The following CSMD1 variants were observed in gnomAD, a reference collection of about 807,000 sequenced individuals.
The protein encoded by CSMD1 is CUB and sushi domain-containing protein 1.
In CSMD1, 213 loss-of-function variants were observed where a neutral mutation model predicts 417.5. That is an observed-to-expected ratio of 0.51 (90% CI 0.46 to 0.57). CSMD1 has a LOEUF of 0.57. CSMD1 is among the 20% of genes least tolerant of loss of function. The pLI, the probability that CSMD1 is intolerant of heterozygous loss-of-function variation, is 0.00. For synonymous variants in CSMD1, 2,862 were observed against 1,736.8 expected (o/e 1.65, Z -16.11); for missense variants, 6,923 against 4,529.7 (o/e 1.53, Z -15.17).
At chr8:4,242,320 T>C (rs1294659777) in intron 3 of CSMD1, among the ~76,000 whole-genome samples, 1 of 152,112 alleles carries the variant, frequency 6.6e-6, no homozygotes, top group Non-Finnish European at 1.5e-5. Flanking sequence ...TAATTACAAG[T>C]GATTAGTAAA....
At chr8:3,856,112 C>T (rs1344972292) in intron 5 of CSMD1, among the ~76,000 whole-genome samples, 5 of 151,966 alleles carry the variant, frequency 3.3e-5, no homozygotes, top group African/African-American at 1.2e-4. Flanking sequence ...ATGTAATTCC[C>T]AGTGCTGGAG....
In CSMD1 at chr8:4,105,969, C is replaced by T. The variant is rs567956995; in HGVS notation, c.416-73870G>A. Among the ~76,000 whole-genome samples the T allele has an allele frequency of 4.6e-5, 7 of 152,342 alleles. 1 individual carries two copies. In the East Asian group the frequency reaches 1.4e-3, roughly 29 times the overall value. Reference sequence around the variant, plus strand: ...GACCTGAATTAGCCACAAGTCCCAACTTCACCACAGGAAAATGTAGAGCAG... The same window carrying T: ...GACCTGAATTAGCCACAAGTCCCAATTTCACCACAGGAAAATGTAGAGCAG... On this transcript the variant is annotated intron_variant, in intron 3 of 69. Coordinates refer to ENST00000635120, the MANE Select transcript of CSMD1 (RefSeq NM_033225.6).
chr8:3,702,365 A>T (rs1283720127), intron 7 of CSMD1: 1 of 152,178 alleles, frequency 6.6e-6, no homozygotes, highest in Non-Finnish European at 1.5e-5. Context: ...AATAACAACC[A>T]ATGTTTTGTT....
At chr8:4,267,967 T>G (rs980697080) in intron 3 of CSMD1, among the ~76,000 whole-genome samples, 6 of 152,154 alleles carry the variant, frequency 3.9e-5, no homozygotes, top group Admixed American at 6.5e-5. Context: ...TGGATCTATT[T>G]TCTAGAGTCA....
intron 5 of CSMD1, among the ~76,000 whole-genome samples, chr8:3,906,647 G>C (rs1163200233): frequency 7.0e-6 from 1 of 143,394 alleles, no homozygotes; most frequent in Non-Finnish European, 1.5e-5. Context: ...TTTCAGATTT[G>C]CAAAGTACAC....
chr8:3,998,141 A>G (rs147940464), intron 4 of CSMD1, 31 bp from the exon 5 acceptor site: 4 of 1,531,094 alleles, frequency 2.6e-6, no homozygotes, highest in African/African-American at 1.4e-5. Context: ...AGAAAGCATC[A>G]CATTTCAGGA....
intron 1 of CSMD1, among the ~76,000 whole-genome samples, chr8:4,749,878 C>T (rs1395149025): frequency 1.3e-5 from 2 of 152,016 alleles, no homozygotes; most frequent in African/African-American, 2.4e-5. Context: ...AGAAATGCAA[C>T]TTCAAAATCC....
At chr8:3,429,112 G>A (rs1814044514) in intron 12 of CSMD1, among the ~76,000 whole-genome samples, 1 of 152,134 alleles carries the variant, frequency 6.6e-6, no homozygotes, top group Non-Finnish European at 1.5e-5. Flanking sequence ...GTTCTTGTGT[G>A]CTATTGTACA....
intron 68 of CSMD1, among the ~76,000 whole-genome samples, chr8:2,946,733 A>G (rs1585035544): frequency 6.6e-6 from 1 of 152,246 alleles, no homozygotes; most frequent in East Asian, 1.9e-4. Context: ...CATATTTTTC[A>G]GTTCTTTTGG....
chr8:4,350,968 C>G (rs1418438188), intron 3 of CSMD1, among the ~76,000 whole-genome samples: 1 of 152,104 alleles, frequency 6.6e-6, no homozygotes, highest in Non-Finnish European at 1.5e-5. Context: ...TCGTTTAAAG[C>G]TTCTTTTAAT....
chr8:4,744,059 G>A (rs1268430452), intron 1 of CSMD1, among the ~76,000 whole-genome samples: 1 of 152,202 alleles, frequency 6.6e-6, no homozygotes, highest in African/African-American at 2.4e-5. Context: ...TTCTTATGCG[G>A]CTTTGATGAT....
chr8:3,192,471 T>C (rs1293030910), intron 33 of CSMD1, among the ~76,000 whole-genome samples: 1 of 152,208 alleles, frequency 6.6e-6, no homozygotes, highest in Admixed American at 6.5e-5. Flanking sequence ...GTTAAGATGA[T>C]GACTTAGTTT....
At chr8:4,321,212 T>C (rs1326940723) in intron 3 of CSMD1, among the ~76,000 whole-genome samples, 2 of 152,124 alleles carry the variant, frequency 1.3e-5, no homozygotes, top group African/African-American at 2.4e-5. Context: ...GTCCAGTGCA[T>C]GAACACGTTC....
At chr8:3,013,154 C>G (rs937154027) in intron 52 of CSMD1, among the ~76,000 whole-genome samples, 3 of 152,162 alleles carry the variant, frequency 2.0e-5, no homozygotes, top group African/African-American at 7.2e-5. Context: ...GAAAAATACA[C>G]TGCTATTACA....
chr8:4,233,152 A>C (rs775502086), intron 3 of CSMD1, among the ~76,000 whole-genome samples: 34 of 152,222 alleles, frequency 2.2e-4, no homozygotes, highest in Non-Finnish European at 4.0e-4. Context: ...AAGAACAATG[A>C]CATGCATTTT....
intron 49 of CSMD1, among the ~76,000 whole-genome samples, chr8:3,066,601 G>A (rs1377550535): frequency 6.6e-6 from 1 of 152,180 alleles, no homozygotes; most frequent in African/African-American, 2.4e-5. Context: ...AATACAGACA[G>A]ACAAGAGAGT....
At chr8:3,739,091 G>A (rs1796668903) in intron 6 of CSMD1, among the ~76,000 whole-genome samples, 1 of 152,054 alleles carries the variant, frequency 6.6e-6, no homozygotes, top group Non-Finnish European at 1.5e-5. Flanking sequence ...TCAAAATAGT[G>A]GGGATTTATT....
intron 12 of CSMD1, among the ~76,000 whole-genome samples, chr8:3,439,309 A>ATATATATATATATT: frequency 2.0e-3 from 124 of 62,412 alleles, no homozygotes; most frequent in South Asian, 3.0e-3. Flanking sequence ...ATATATATAT[A>ATATATATATATATT]TTTTTTTTTT....
At chr8:3,941,253 G>A (rs1044206176) in intron 5 of CSMD1, among the ~76,000 whole-genome samples, 1 of 152,104 alleles carries the variant, frequency 6.6e-6, no homozygotes, top group Non-Finnish European at 1.5e-5. Flanking sequence ...ACATTTAGCT[G>A]AAACCTGACT....
Sources: gnomAD v4.1 joint callset for allele counts (sites outside exome capture counted in the v4.1 genomes callset) on GRCh38, gnomAD v4.1.1 for gene constraint, MANE v1.5 for transcripts, NCBI Gene and HGNC (gene_info 2026-07-23, HGNC 2026-07-21) for gene names.